Variants in RIPOR2 observed in about 807,000 individuals in gnomAD.
RIPOR2 encodes rho family-interacting cell polarization regulator 2.
A neutral mutation model predicts 114.5 loss-of-function variants in RIPOR2; 39 were observed. The observed-to-expected ratio is 0.34, with a 90% CI of 0.26 to 0.44. The LOEUF (loss-of-function observed/expected upper bound fraction) is 0.44, where lower values mean the gene tolerates loss of function less well. Among genes scored for constraint, RIPOR2 ranks in the 20% least tolerant of loss-of-function variants. The pLI, the probability that RIPOR2 is intolerant of heterozygous loss-of-function variation, is 1.00. For synonymous variants in RIPOR2, 445 were observed against 484.4 expected (o/e 0.92, Z 1.07); for missense variants, 1,007 against 1,255.1 (o/e 0.80, Z 2.99).
intron 1 of RIPOR2, among the ~76,000 whole-genome samples, chr6:24,945,776 T>C (rs1772373963): frequency 2.6e-5 from 4 of 151,976 alleles, no homozygotes; most frequent in Admixed American, 1.3e-4. Flanking sequence ...AATAGAAAAA[T>C]TCAAATTATA....
chr6:24,829,951 A>T (rs1172232646), intron 17 of RIPOR2, among the ~76,000 whole-genome samples: 1 of 152,152 alleles, frequency 6.6e-6, no homozygotes, highest in Non-Finnish European at 1.5e-5. Context: ...TAGAAATAAC[A>T]ATACATAAGA....
intron 1 of RIPOR2, among the ~76,000 whole-genome samples, chr6:24,928,290 C>T (rs1771114686): frequency 6.6e-6 from 1 of 152,058 alleles, no homozygotes; most frequent in Non-Finnish European, 1.5e-5. Context: ...GTTAAGAGTG[C>T]CTTCTACAAA....
intron 1 of RIPOR2, among the ~76,000 whole-genome samples, chr6:24,942,169 T>C (rs1373151565): frequency 1.3e-5 from 2 of 152,174 alleles, no homozygotes; most frequent in Non-Finnish European, 2.9e-5. Context: ...ATATAAAATA[T>C]TGTTATTGAA....
chr6:25,000,295 T>C (rs1452453170), intron 1 of RIPOR2, among the ~76,000 whole-genome samples: 3 of 152,174 alleles, frequency 2.0e-5, no homozygotes, highest in Admixed American at 1.3e-4. Context: ...TAGCACTCCA[T>C]GCTGACCACT....
At chr6:25,023,019 C>T (rs1776405735) in intron 1 of RIPOR2, among the ~76,000 whole-genome samples, 1 of 151,460 alleles carries the variant, frequency 6.6e-6, no homozygotes, top group Non-Finnish European at 1.5e-5. Context: ...ACTAGTGTAT[C>T]TTTTAATTGT....
At chr6:24,986,345 T>C (rs1165106789) in intron 1 of RIPOR2, among the ~76,000 whole-genome samples, 1 of 152,234 alleles carries the variant, frequency 6.6e-6, no homozygotes, top group Middle Eastern at 3.2e-3. Flanking sequence ...CTTGATACTT[T>C]TTGGAGGACT....
At chr6:24,850,783 C>T in intron 9 of RIPOR2, 61 bp from the exon 10 acceptor site, 3 of 1,595,260 alleles carry the variant, frequency 1.9e-6, no homozygotes, top group South Asian at 1.1e-5. Flanking sequence ...CACCAGAACA[C>T]CAAGATCAAA....
At chr6:24,868,987 ATT>A (rs1764892789) in intron 6 of RIPOR2, 105 bp downstream of exon 6, 1 of 602,998 alleles carries the variant, frequency 1.7e-6, no homozygotes, top group East Asian at 2.9e-5. Flanking sequence ...TTAGGAGTCA[ATT>A]GGATAGGAAG....
chr6:24,824,150 A>C (rs1271098028), intron 19 of RIPOR2, among the ~76,000 whole-genome samples: 2 of 152,200 alleles, frequency 1.3e-5, no homozygotes, highest in Non-Finnish European at 2.9e-5. Flanking sequence ...CTGCACACTC[A>C]GATGCGTATA....
At chr6:24,952,414 G>A (rs1772824999) in intron 1 of RIPOR2, among the ~76,000 whole-genome samples, 1 of 152,174 alleles carries the variant, frequency 6.6e-6, no homozygotes, top group African/African-American at 2.4e-5. Flanking sequence ...AACTAGCTCT[G>A]AGGTAAGGGA....
intron 8 of RIPOR2, among the ~76,000 whole-genome samples, chr6:24,853,649 C>A (rs1201841451): frequency 6.6e-6 from 1 of 152,156 alleles, no homozygotes; most frequent in Non-Finnish European, 1.5e-5. Flanking sequence ...AGTTTCTTCA[C>A]CTTTAAAATA....
At chr6:24,862,925 T>A (rs1581636209) in intron 7 of RIPOR2, among the ~76,000 whole-genome samples, 1 of 152,030 alleles carries the variant, frequency 6.6e-6, no homozygotes, top group Non-Finnish European at 1.5e-5. Flanking sequence ...TGCTGGCTTT[T>A]GTGGTTATGT....
intron 1 of RIPOR2, among the ~76,000 whole-genome samples, chr6:25,028,428 G>A (rs1427569750): frequency 1.3e-5 from 2 of 152,202 alleles, no homozygotes; most frequent in African/African-American, 4.8e-5. Flanking sequence ...GTACACATGT[G>A]TCTGAATGTT....
intron 1 of RIPOR2, among the ~76,000 whole-genome samples, chr6:24,951,493 A>C (rs1305310926): frequency 6.6e-6 from 1 of 152,232 alleles, no homozygotes; most frequent in East Asian, 1.9e-4. Context: ...GGATCCCTTC[A>C]AAAGCAGCTT....
chr6:25,017,872 A>G (rs1776090372), intron 1 of RIPOR2, among the ~76,000 whole-genome samples: 1 of 152,246 alleles, frequency 6.6e-6, no homozygotes, highest in Admixed American at 6.5e-5. Context: ...AGTTCTGTAA[A>G]GTCTTCAGGA....
chr6:24,853,640 G>A (rs570342168), intron 8 of RIPOR2, among the ~76,000 whole-genome samples: 61 of 152,290 alleles, frequency 4.0e-4, no homozygotes, highest in Admixed American at 4.6e-4. Flanking sequence ...CTTAACCCAA[G>A]TTTCTTCACC....
chr6:25,001,740 C>T (rs1775333473), intron 1 of RIPOR2, among the ~76,000 whole-genome samples: 1 of 144,030 alleles, frequency 6.9e-6, no homozygotes. Context: ...CGCTCTGTCG[C>T]CCAGGCTGGA....
chr6:24,904,059 T>TG (rs1417979931), intron 1 of RIPOR2, among the ~76,000 whole-genome samples: 1 of 152,226 alleles, frequency 6.6e-6, no homozygotes, highest in African/African-American at 2.4e-5. Context: ...ATGTGTGAGT[T>TG]GGGGTCTCCG....
At chr6:25,000,880 C>A (rs1447659771) in intron 1 of RIPOR2, among the ~76,000 whole-genome samples, 1 of 152,088 alleles carries the variant, frequency 6.6e-6, no homozygotes, top group Non-Finnish European at 1.5e-5. Flanking sequence ...AGAGATGGAC[C>A]CATAAGTGGA....
Sources: allele counts gnomAD v4.1 joint callset (sites outside exome capture counted in the v4.1 genomes callset), GRCh38; gene constraint gnomAD v4.1.1; transcripts MANE v1.5; gene names NCBI Gene and HGNC (gene_info 2026-07-23, HGNC 2026-07-21).